Variants in TFAP2D observed in about 807,000 individuals in gnomAD.
TFAP2D encodes transcription factor AP-2 delta, also known as transcription factor AP-2-delta.
In TFAP2D, 9 loss-of-function variants were observed where a neutral mutation model predicts 43.6. That is an observed-to-expected ratio of 0.21 (90% confidence interval 0.12 to 0.36). The LOEUF (loss-of-function observed/expected upper bound fraction) is 0.36, where lower values mean the gene tolerates loss of function less well. TFAP2D is among the 10% of genes least tolerant of loss of function. TFAP2D has a pLI of 1.00. For synonymous variants in TFAP2D, 256 were observed against 224.9 expected (o/e 1.14, Z -1.24); for missense variants, 513 against 561.4 (o/e 0.91, Z 0.87).
At chr6:50,751,757 TTG>T (rs1192955668) in intron 7 of TFAP2D, among the ~76,000 whole-genome samples, 1 of 151,882 alleles carries the variant, frequency 6.6e-6, no homozygotes, top group Non-Finnish European at 1.5e-5. Flanking sequence ...GTATATGAAT[TTG>T]GAGTGGGGTG....
chr6:50,715,180 A>T lies in TFAP2D; in HGVS notation c.104A>T (p.Asn35Ile), dbSNP rs775795319. 1 of 1,613,826 alleles carries T rather than the reference A, an allele frequency of 6.2e-7. No individual in the cohort carries two copies. The highest frequency in any genetic ancestry group is 1.1e-5 in the South Asian group (1 of 91,064). The stretch of plus-strand genomic sequence containing the variant: ...CTTGGCTGTCTGGAGTCAGTAGCCA[A>T]TTCCACTGTCGCCTATTCCTCCTCC... ...MQLGCLESVA[N>I]STVAYSSSSP... Residue 35 changes from asparagine (N) to isoleucine (I), a missense_variant, in exon 2 of 8, where the codon AAT (asparagine) becomes ATT (isoleucine). This residue lies in a region of TFAP2D where 311 missense variants were observed against 316.2 expected (regional missense o/e 0.98). Coordinates refer to ENST00000008391, the MANE Select transcript of TFAP2D (RefSeq NM_172238.4).
At chr6:50,753,466 C>G (rs1298917229) in intron 7 of TFAP2D, among the ~76,000 whole-genome samples, 1 of 151,882 alleles carries the variant, frequency 6.6e-6, no homozygotes, top group East Asian at 1.9e-4. Flanking sequence ...AGAGAAAACT[C>G]ACTTCAAAAC....
intron 7 of TFAP2D, among the ~76,000 whole-genome samples, chr6:50,760,204 C>T (rs1257096844): frequency 6.6e-6 from 1 of 151,880 alleles, no homozygotes; most frequent in Admixed American, 6.6e-5. Flanking sequence ...ACTAAGATTC[C>T]GCAGAAGGTC....
rs746287501 is a variant in TFAP2D at position 50,754,168 on chromosome 6, T to C, written c.1139+2844T>C. On this transcript the variant is annotated intron_variant, in intron 7 of 7. Transcript: ENST00000008391. The stretch of plus-strand genomic sequence containing the variant: ...GCCTCTGTCAACTACCATTCTGTTT[T>C]GTGTTTCTGTGAATTTAACTACCCT... 2.0e-5 allele frequency among the ~76,000 whole-genome samples: 3 copies of C among 151,934 alleles called. 1 individual carries two copies. Among genetic ancestry groups the C allele is most frequent in the East Asian group, 1.9e-4 (1 of 5,184 alleles).
intron 2 of TFAP2D, among the ~76,000 whole-genome samples, chr6:50,716,290 TCCG>T (rs1274784512): frequency 1.3e-5 from 2 of 152,168 alleles, no homozygotes; most frequent in Non-Finnish European, 2.9e-5. Context: ...TTTAATTCTC[TCCG>T]CCTGACGTGC....
intron 7 of TFAP2D, among the ~76,000 whole-genome samples, chr6:50,768,242 A>T (rs1343908262): frequency 1.3e-4 from 18 of 134,800 alleles, no homozygotes; most frequent in Admixed American, 1.2e-3. Context: ...CCTGTCTAGG[A>T]TCAAAAGTCA....
intron 7 of TFAP2D, among the ~76,000 whole-genome samples, chr6:50,766,364 T>A (rs532950925): frequency 2.0e-5 from 3 of 152,320 alleles, no homozygotes; most frequent in South Asian, 4.1e-4. Flanking sequence ...TGGTTCCCAA[T>A]GAATTTTAGT....
intron 5 of TFAP2D, among the ~76,000 whole-genome samples, chr6:50,738,354 T>C (rs1214677524): frequency 6.6e-6 from 1 of 152,088 alleles, no homozygotes; most frequent in Non-Finnish European, 1.5e-5. Context: ...ATTTGCTTTG[T>C]TTATTGAGGT....
intron 7 of TFAP2D, among the ~76,000 whole-genome samples, chr6:50,762,393 A>G (rs1049203121): frequency 5.3e-5 from 8 of 151,998 alleles, no homozygotes; most frequent in Non-Finnish European, 1.0e-4. Flanking sequence ...ATACACACAA[A>G]CACACTACAC....
At position 50,741,387 on chromosome 6, in the gene TFAP2D, A is replaced by G. The variant is rs568941665; in HGVS notation, c.884-3720A>G. Among the ~76,000 whole-genome samples the G allele has an allele frequency of 3.9e-5, 6 of 152,212 alleles. No individual in the cohort carries two copies. In the South Asian group the frequency reaches 1.2e-3, roughly 32 times the overall value. ...GGTTGTGCCAGTTATTTCATCACCCAGGTATTAAGGCTAGTACCCATTGGT... is the reference window on the plus strand; with the variant it reads ...GGTTGTGCCAGTTATTTCATCACCCGGGTATTAAGGCTAGTACCCATTGGT... On this transcript the variant is annotated intron_variant, in intron 5 of 7. Coordinates refer to ENST00000008391, the MANE Select transcript of TFAP2D (RefSeq NM_172238.4).
intron 1 of TFAP2D, 116 bp downstream of exon 1, chr6:50,714,210 C>T (rs1450053464): frequency 1.3e-5 from 14 of 1,087,410 alleles, no homozygotes; most frequent in Non-Finnish European, 1.1e-5. Context: ...TATATTGGAC[C>T]GTTACGTTTA....
intron 5 of TFAP2D, 55 bp downstream of exon 5, chr6:50,729,367 C>T (rs1290841993): frequency 6.9e-7 from 1 of 1,451,926 alleles, no homozygotes; most frequent in African/African-American, 1.4e-5. Flanking sequence ...GTCTTTGAAA[C>T]TCAGGTTTCT....
chr6:50,738,976 C>G lies in TFAP2D; in HGVS notation c.884-6131C>G, dbSNP rs553536466. Among the ~76,000 whole-genome samples, 4 of 152,262 alleles carry G rather than the reference C, an allele frequency of 2.6e-5. No homozygotes were observed. In the South Asian group the frequency reaches 6.2e-4, roughly 24 times the overall value. On this transcript the variant is annotated intron_variant, in intron 5 of 7. Coordinates refer to ENST00000008391, the MANE Select transcript of TFAP2D (RefSeq NM_172238.4). ...CTACTGCTTTCTCTTTATCTTAGGACAGTGGTTTCTCAACTCTGGTTTGAG... is the reference window on the plus strand; with the variant it reads ...CTACTGCTTTCTCTTTATCTTAGGAGAGTGGTTTCTCAACTCTGGTTTGAG...
chr6:50,749,178 T>C (rs916155766), intron 6 of TFAP2D, among the ~76,000 whole-genome samples: 3 of 151,576 alleles, frequency 2.0e-5, no homozygotes, highest in African/African-American at 7.3e-5. Flanking sequence ...AAGGGGGAGA[T>C]ATAATATAAT....
chr6:50,730,861 C>T (rs149077035), intron 5 of TFAP2D, among the ~76,000 whole-genome samples: 195 of 152,150 alleles, frequency 1.3e-3, no homozygotes, highest in Admixed American at 3.5e-3. Context: ...TTAATTGTTC[C>T]TTGGAACCCT....
At chr6:50,729,072 C>T (rs369524743) in intron 4 of TFAP2D, 51 bp downstream of exon 4, 2 of 1,607,362 alleles carry the variant, frequency 1.2e-6, no homozygotes, top group East Asian at 2.2e-5. Context: ...TGATACCATA[C>T]CCTCAACCCT....
intron 5 of TFAP2D, among the ~76,000 whole-genome samples, chr6:50,735,964 C>T (rs576293897): frequency 1.3e-5 from 2 of 152,236 alleles, no homozygotes; most frequent in South Asian, 4.1e-4. Flanking sequence ...GTAAGTCATT[C>T]TTCTCATAGA....
intron 2 of TFAP2D, 57 bp from the exon 3 acceptor site, chr6:50,719,033 G>T: frequency 6.5e-7 from 1 of 1,535,230 alleles, no homozygotes. Flanking sequence ...CTTTACCTAC[G>T]TGGTCATGCA....
At chr6:50,748,318 T>G (rs2113884525) in intron 6 of TFAP2D, among the ~76,000 whole-genome samples, 1 of 152,080 alleles carries the variant, frequency 6.6e-6, no homozygotes, top group East Asian at 1.9e-4. Flanking sequence ...AAGTTAATAT[T>G]AAGTAGCCTA....
Sources: gnomAD v4.1 joint callset for allele counts (sites outside exome capture counted in the v4.1 genomes callset) on GRCh38, gnomAD v4.1.1 for gene constraint, gnomAD v4.1.1 regional missense constraint, MANE v1.5 for transcripts, NCBI Gene and HGNC (gene_info 2026-07-23, HGNC 2026-07-21) for gene names.